The following SLC35G1 variants were observed in gnomAD, a reference collection of about 807,000 sequenced individuals.
SLC35G1 encodes the protein partner of STIM1.
A neutral mutation model predicts 17.1 loss-of-function variants in SLC35G1; 10 were observed. The observed-to-expected ratio is 0.59, with a 90% confidence interval of 0.36 to 0.99. The LOEUF (loss-of-function observed/expected upper bound fraction) is 0.99, where lower values mean the gene tolerates loss of function less well. Among genes scored for constraint, SLC35G1 ranks in the 50% least tolerant of loss-of-function variants. The pLI, the probability that SLC35G1 is intolerant of heterozygous loss-of-function variation, is 0.01. For synonymous variants in SLC35G1, 185 were observed against 181.1 expected (o/e 1.02, Z -0.18); for missense variants, 433 against 468.4 (o/e 0.92, Z 0.70).
downstream of SLC35G1, among the ~76,000 whole-genome samples, chr10:93,905,817 A>G (rs576411774): frequency 2.6e-5 from 4 of 151,804 alleles, no homozygotes; most frequent in South Asian, 8.3e-4. Flanking sequence ...ATTCATGATT[A>G]GTTGCCAGGG....
chr10:93,899,919 A>G (rs2060366745), intron 2 of SLC35G1, among the ~76,000 whole-genome samples: 1 of 152,134 alleles, frequency 6.6e-6, no homozygotes. Flanking sequence ...ATTATCATGG[A>G]AGACTCTTTG....
At position 93,898,670 on chromosome 10, in the gene SLC35G1, A is replaced by C. The variant is rs765677362; in HGVS notation, c.278A>C (p.Gln93Pro). The C allele has an allele frequency of 6.2e-7, 1 of 1,613,984 alleles. No homozygotes were observed. The highest frequency in any genetic ancestry group is 1.3e-5 in the African/African-American group (1 of 75,022). The change falls in exon 2 of 3, where the codon CAA becomes CCA. Residue 93 changes from glutamine to proline, a missense_variant. By Grantham distance (76) the Gln-to-Pro change is moderately conservative. Coordinates refer to ENST00000427197, the MANE Select transcript of SLC35G1 (RefSeq NM_001134658.3). ...GGCTCTTTATTTGTTAAAAAAGTGC[A>C]AGACGTCCATGCTGTAGAGATTAGT... The part of the protein sequence containing the change: ...SVGSLFVKKV[Q>P]DVHAVEISAF...
chr10:93,901,389 T>C lies in SLC35G1; in HGVS notation c.997T>C (p.Phe333Leu), dbSNP rs552331773. 3.7e-6 allele frequency: 6 copies of C among 1,614,124 alleles called. No individual in the cohort carries two copies. In the South Asian group the frequency reaches 6.6e-5, roughly 18 times the overall value. ...VFAFIFQIIF[F>L]NNVPTWWTVG... ...TGCTTTTATCTTTCAGATTATTTTC[T>C]TTAATAATGTGCCAACGTGGTGGAC... The change falls in exon 3 of 3, where the codon TTT becomes CTT. Residue 333 changes from phenylalanine (F) to leucine (L), a missense_variant. Transcript: ENST00000427197.
At chr10:93,896,211 G>T (rs537011510) in intron 1 of SLC35G1, among the ~76,000 whole-genome samples, 14 of 152,048 alleles carry the variant, frequency 9.2e-5, no homozygotes, top group African/African-American at 2.7e-4. Flanking sequence ...GCCCAGGGTG[G>T]TCTCAAACTT....
chr10:93,896,922 G>A lies in SLC35G1; in HGVS notation c.179-1649G>A, dbSNP rs145996293. On this transcript the variant is annotated intron_variant, in intron 1 of 2. Transcript: ENST00000427197. ...GGTGGAGTTTCTATGTAGGGGTTGAGTTTCTTTTAAGAAAAACTGTTTTAT... is the reference window on the plus strand; with the variant it reads ...GGTGGAGTTTCTATGTAGGGGTTGAATTTCTTTTAAGAAAAACTGTTTTAT... Among the ~76,000 whole-genome samples, 189 of 152,250 alleles carry A rather than the reference G, an allele frequency of 1.2e-3. 1 individual carries two copies. The highest frequency in any genetic ancestry group is 4.3e-3 in the African/African-American group (180 of 41,544).
rs916357387 is a variant in SLC35G1, at chr10:93,902,429, G to A, written c.*939G>A. ...TGTGATGCCAAATAAAATTTTCTCA[G>A]GATCTTATTAGGTTGAACCATATGT... On this transcript the variant is annotated 3_prime_UTR_variant, in exon 3 of 3. Coordinates refer to ENST00000427197, the MANE Select transcript of SLC35G1 (RefSeq NM_001134658.3). 6.6e-6 allele frequency: 1 copy of A among 152,272 alleles called. No homozygotes were observed. The highest frequency in any genetic ancestry group is 2.1e-4 in the South Asian group (1 of 4,812). The allele number at this position is 152,272 out of a possible 1,614,324, so 9.4% of individuals were successfully genotyped here. A position where few individuals can be genotyped will look rare whatever the true frequency, so the allele number is the denominator to read the frequency against.
intron 2 of SLC35G1, 35 bp from the exon 3 acceptor site, chr10:93,900,717 T>G (rs778928168): frequency 6.8e-7 from 1 of 1,465,294 alleles, no homozygotes; most frequent in African/African-American, 1.4e-5. Flanking sequence ...AATATTAATT[T>G]CATTTAATAT....
chr10:93,894,397 C>A, intron 1 of SLC35G1, among the ~76,000 whole-genome samples, 186 bp downstream of exon 1: 1 of 152,140 alleles, frequency 6.6e-6, no homozygotes, highest in Non-Finnish European at 1.5e-5. Context: ...GGCGCCCCAG[C>A]CGGCGCTAAG....
rs1388920166 is a variant in SLC35G1, at chr10:93,901,547, C to T, written c.*57C>T. 3 of 1,518,036 alleles carry T rather than the reference C, an allele frequency of 2.0e-6. No homozygotes were observed. Among genetic ancestry groups the T allele is most frequent in the East Asian group, 4.5e-5 (2 of 44,150 alleles). 94.0% of individuals were successfully genotyped at this position (1,518,036 alleles called of 1,614,324 possible). A position where few individuals can be genotyped will look rare whatever the true frequency, so the allele number is the denominator to read the frequency against. On this transcript the variant is annotated 3_prime_UTR_variant, in exon 3 of 3. Coordinates refer to ENST00000427197, the MANE Select transcript of SLC35G1 (RefSeq NM_001134658.3). ...AGTACACCATCACCTAATTCACATA[C>T]AGCATACGCACACATCTGGAAAATC...
chr10:93,895,459 AAC>A, intron 1 of SLC35G1, among the ~76,000 whole-genome samples: 1 of 152,116 alleles, frequency 6.6e-6, no homozygotes, highest in Non-Finnish European at 1.5e-5. Context: ...AGTCCATGCA[AAC>A]TCTTAAAGTT....
intron 1 of SLC35G1, among the ~76,000 whole-genome samples, chr10:93,895,269 C>T (rs1386240190): frequency 2.6e-5 from 4 of 152,194 alleles, no homozygotes; most frequent in East Asian, 3.8e-4. Flanking sequence ...ACTATTCTTG[C>T]TCCATTTCTG....
chr10:93,896,291 C>T (rs1329508465), intron 1 of SLC35G1, among the ~76,000 whole-genome samples: 1 of 152,158 alleles, frequency 6.6e-6, no homozygotes, highest in African/African-American at 2.4e-5. Flanking sequence ...CCACTGCACC[C>T]AGGAATTAAA....
rs537893491 is a variant in SLC35G1, at chr10:93,903,113, G to A, written c.*1623G>A. ...CTGGGGTTCGTGCCTTAGTGAGAAA[G>A]AATCTTTTCCAATAGTTCCAATGGG... On this transcript the variant is annotated 3_prime_UTR_variant, in exon 3 of 3. Coordinates refer to ENST00000427197, the MANE Select transcript of SLC35G1 (RefSeq NM_001134658.3). 3.3e-5 allele frequency: 5 copies of A among 152,158 alleles called. No homozygotes were observed. Among genetic ancestry groups the A allele is most frequent in the African/African-American group, 1.2e-4 (5 of 41,424 alleles). The allele number at this position is 152,158 out of a possible 1,614,324, so 9.4% of individuals were successfully genotyped here.
In SLC35G1 at chr10:93,900,795, C is replaced by G. The variant is rs538600195; in HGVS notation, c.403C>G (p.Leu135Val). The G allele has an allele frequency of 2.5e-6, 4 of 1,612,700 alleles. No homozygotes were observed. Among genetic ancestry groups the G allele is most frequent in the Non-Finnish European group, 3.4e-6 (4 of 1,179,026 alleles). ...GPKGQRIFLI[L>V]RGVLGSTAMM... ...AAAAGGTCAACGAATTTTCCTCATT[C>G]TCAGAGGAGTCCTTGGTTCTACCGC... is the stretch of plus-strand genomic sequence containing the variant. Residue 135 changes from leucine (L) to valine (V), a missense_variant, in exon 3 of 3, where the codon CTC becomes GTC. Leu to Val is a conservative substitution (Grantham distance 32). Transcript: ENST00000427197.
In SLC35G1 at chr10:93,901,182, G is replaced by T. The variant is rs199545587; in HGVS notation, c.790G>T (p.Val264Phe). 5.0e-5 allele frequency: 81 copies of T among 1,613,950 alleles called. 1 individual carries two copies. Among genetic ancestry groups the T allele is most frequent in the South Asian group, 3.5e-4 (32 of 91,086 alleles). Residue 264 changes from valine (V) to phenylalanine (F), a missense_variant, in exon 3 of 3, where the codon GTT becomes TTT. By Grantham distance (50) the Val-to-Phe change is conservative. Coordinates refer to ENST00000427197, the MANE Select transcript of SLC35G1 (RefSeq NM_001134658.3). ...TTGGTATTATGTAGTACTTGGCCTC[G>T]TTGAAAGTGTCATCATCCTCTCTGT... ...SIWYYVVLGL[V>F]ESVIILSVLG...
In SLC35G1 at chr10:93,902,230, T is replaced by C. The variant is rs1404658805; in HGVS notation, c.*740T>C. The C allele has an allele frequency of 1.3e-5, 2 of 152,640 alleles. No homozygotes were observed. The highest frequency in any genetic ancestry group is 4.8e-5 in the African/African-American group (2 of 41,462). 9.5% of individuals were successfully genotyped at this position (152,640 alleles called of 1,614,324 possible). ...AACTGCAGCTAGCATACTATAATTT[T>C]AATTGTCCTCACTTTTTTTTGAAAC... On this transcript the variant is annotated 3_prime_UTR_variant, in exon 3 of 3. Transcript: ENST00000427197.
chr10:93,898,490 T>C, intron 1 of SLC35G1, 81 bp from the exon 2 acceptor site: 1 of 1,396,682 alleles, frequency 7.2e-7, no homozygotes, highest in Admixed American at 2.2e-5. Context: ...TTGACACTGT[T>C]CCATTTTTCT....
chr10:93,898,855 C>A (rs1207860616), intron 2 of SLC35G1, 104 bp downstream of exon 2: 1 of 1,134,114 alleles, frequency 8.8e-7, no homozygotes. Context: ...CATATACTTA[C>A]CAGTTCCTAT....
chr10:93,896,638 C>G (rs567734140), intron 1 of SLC35G1, among the ~76,000 whole-genome samples: 1 of 152,170 alleles, frequency 6.6e-6, no homozygotes, highest in East Asian at 1.9e-4. Flanking sequence ...GCAGCGAGGC[C>G]TTCTAATGTC....
Sources: gnomAD v4.1 joint callset for allele counts (sites outside exome capture counted in the v4.1 genomes callset) on GRCh38, gnomAD v4.1.1 for gene constraint, MANE v1.5 for transcripts, NCBI Gene and HGNC (gene_info 2026-07-23, HGNC 2026-07-21) for gene names.